Variants in CSMD3 observed in about 807,000 individuals in gnomAD.
The protein encoded by CSMD3 is CUB and Sushi multiple domains 3, also known as CUB and sushi domain-containing protein 3.
Under a neutral mutation model 435.2 loss-of-function variants are expected in CSMD3, and 177 were observed. The observed-to-expected ratio is 0.41, with a 90% CI of 0.36 to 0.46. The LOEUF is 0.46. Among genes scored for constraint, CSMD3 ranks in the 20% least tolerant of loss-of-function variants. The pLI, the probability that CSMD3 is intolerant of heterozygous loss-of-function variation, is 0.34. For synonymous variants in CSMD3, 1,656 were observed against 1,520.5 expected, an observed-to-expected ratio of 1.09 and a Z score of -2.07; for missense variants, 4,265 against 4,504.6, an observed-to-expected ratio of 0.95 and a Z score of 1.52.
intron 20 of CSMD3, chr8:112,643,365 C>T (rs2074889044): frequency 6.0e-6 from 1 of 166,032 alleles, no homozygotes; most frequent in African/African-American, 2.4e-5. Context: ...AGAGGTTAGA[C>T]TATATTACCT....
intron 24 of CSMD3, among the ~76,000 whole-genome samples, chr8:112,571,884 A>AAAAAG: frequency 6.7e-6 from 1 of 149,070 alleles, no homozygotes; most frequent in African/African-American, 2.5e-5. Context: ...AAAAAAAAAA[A>AAAAAG]AAAGAAAGAA....
intron 3 of CSMD3, among the ~76,000 whole-genome samples, chr8:113,247,299 G>T (rs2093286037): frequency 6.6e-6 from 1 of 152,140 alleles, no homozygotes; most frequent in Non-Finnish European, 1.5e-5. Flanking sequence ...TGGTATATGA[G>T]ACTTTTCCAA....
intron 13 of CSMD3, among the ~76,000 whole-genome samples, chr8:112,722,195 A>G (rs1456974747): frequency 1.4e-5 from 2 of 142,840 alleles, no homozygotes; most frequent in South Asian, 2.2e-4. Flanking sequence ...GTGAAAAGAG[A>G]AAAAAAAAAA....
chr8:112,331,667 A>C (rs1429725153), intron 45 of CSMD3, among the ~76,000 whole-genome samples: 1 of 152,046 alleles, frequency 6.6e-6, no homozygotes, highest in East Asian at 1.9e-4. Flanking sequence ...TGAACTGTCA[A>C]CCTTATAAAA....
intron 9 of CSMD3, 103 bp from the exon 10 acceptor site, chr8:112,921,854 G>GC: frequency 1.2e-6 from 1 of 847,438 alleles, no homozygotes; most frequent in South Asian, 1.4e-5. Flanking sequence ...ATGTACTATA[G>GC]TGACAAAAAG....
intron 15 of CSMD3, among the ~76,000 whole-genome samples, chr8:112,683,818 T>C (rs1327112187): frequency 1.3e-5 from 2 of 151,916 alleles, no homozygotes; most frequent in East Asian, 3.8e-4. Flanking sequence ...ATAATTTTAC[T>C]ATCTGTTCTC....
intron 6 of CSMD3, among the ~76,000 whole-genome samples, chr8:112,989,120 T>C (rs921225991): frequency 6.6e-6 from 1 of 151,964 alleles, no homozygotes; most frequent in Non-Finnish European, 1.5e-5. Context: ...CTAAGAAATA[T>C]TACATTCAAA....
chr8:113,314,327 A>G (rs1193309313), intron 2 of CSMD3: 4 of 479,076 alleles, frequency 8.3e-6, no homozygotes, highest in East Asian at 7.7e-5. Flanking sequence ...TAGCCACTAT[A>G]AAGAGATCAC....
At chr8:112,295,755 A>G (rs1029733556) in intron 54 of CSMD3, 78 bp downstream of exon 54, 1 of 1,163,298 alleles carries the variant, frequency 8.6e-7, no homozygotes, top group Admixed American at 1.9e-5. Flanking sequence ...CATAATATAT[A>G]TATTCATCTT....
chr8:113,332,306 TA>T (rs201831037), intron 1 of CSMD3, among the ~76,000 whole-genome samples: 4,243 of 133,320 alleles, frequency 0.032, 127 homozygotes, highest in African/African-American at 0.083. Flanking sequence ...TTCAATTGGT[TA>T]AAAAAAAAAA....
chr8:112,575,453 G>GTC (rs1829863625), intron 23 of CSMD3, among the ~76,000 whole-genome samples: 1 of 151,962 alleles, frequency 6.6e-6, no homozygotes, highest in South Asian at 2.1e-4. Flanking sequence ...ACATTACTTG[G>GTC]TCTCTCTCTT....
At chr8:112,304,388 TTTTTAACCAAA>T (rs1241408521) in intron 52 of CSMD3, among the ~76,000 whole-genome samples, 91 of 152,052 alleles carry the variant, frequency 6.0e-4, no homozygotes, top group African/African-American at 2.1e-3. Flanking sequence ...TTTTTTTTTT[TTTTTAACCAAA>T]TGAGTATAAA....
intron 16 of CSMD3, among the ~76,000 whole-genome samples, chr8:112,675,765 T>G (rs2075757921): frequency 6.6e-6 from 1 of 152,084 alleles, no homozygotes; most frequent in South Asian, 2.1e-4. Flanking sequence ...AAGAATGGTA[T>G]ATCACTTTGG....
chr8:113,272,176 G>A (rs1225386824), intron 3 of CSMD3, among the ~76,000 whole-genome samples: 1 of 152,174 alleles, frequency 6.6e-6, no homozygotes, highest in Non-Finnish European at 1.5e-5. Flanking sequence ...ACTTTGGACT[G>A]TGGACTTCTG....
intron 32 of CSMD3, among the ~76,000 whole-genome samples, chr8:112,464,097 G>T (rs1043273003): frequency 6.6e-6 from 1 of 152,050 alleles, no homozygotes; most frequent in Admixed American, 6.5e-5. Context: ...AATTAGGTGG[G>T]CGTGGTGGCA....
At chr8:112,316,044 G>T (rs1014585940) in intron 47 of CSMD3, among the ~76,000 whole-genome samples, 3 of 151,782 alleles carry the variant, frequency 2.0e-5, no homozygotes, top group African/African-American at 7.2e-5. Flanking sequence ...GTAGAAAAGA[G>T]TAACTAACAT....
chr8:112,637,877 A>G (rs2074705516), intron 21 of CSMD3, among the ~76,000 whole-genome samples: 1 of 152,004 alleles, frequency 6.6e-6, no homozygotes, highest in Admixed American at 6.6e-5. Flanking sequence ...ATTTCCACCC[A>G]AATACTAAAA....
chr8:113,182,590 G>C (rs2092438272), intron 3 of CSMD3, among the ~76,000 whole-genome samples: 1 of 151,842 alleles, frequency 6.6e-6, no homozygotes, highest in Non-Finnish European at 1.5e-5. Flanking sequence ...ACAACGAATT[G>C]CTTAAATAAG....
chr8:112,432,755 T>G lies in CSMD3; in HGVS notation c.5396-23723A>C, dbSNP rs376530210. ...GAACCGGTTTGGGAAGCAAAACACA[T>G]TTTTTAATGTGGGTCTCAGTTGAAA... On this transcript the variant is annotated intron_variant, in intron 32 of 70. Coordinates refer to ENST00000297405, the MANE Select transcript of CSMD3 (RefSeq NM_198123.2). Among the ~76,000 whole-genome samples the G allele has an allele frequency of 7.0e-4, 106 of 152,184 alleles. 3 individuals carry two copies. The South Asian group carries it at 0.021, about 30-fold the overall frequency.
Sources: allele counts gnomAD v4.1 joint callset (sites outside exome capture counted in the v4.1 genomes callset), GRCh38; gene constraint gnomAD v4.1.1; transcripts MANE v1.5; gene names NCBI Gene and HGNC (gene_info 2026-07-23, HGNC 2026-07-21).